APOLD1: variants seen among roughly 807,000 people sequenced by gnomAD.
APOLD1 encodes the protein apolipoprotein L domain containing 1, also known as apolipoprotein L domain-containing protein 1.
APOLD1 carries 22 observed loss-of-function variants against 15.3 expected under a neutral mutation model. The ratio of observed to expected loss-of-function variants is 1.44; its 90% CI spans 1.03 to 2.05. The LOEUF is 2.05. APOLD1 is among the 30% of genes most tolerant of loss of function. The pLI, the probability that APOLD1 is intolerant of heterozygous loss-of-function variation, is 0.00. For missense variants in APOLD1, 394 were observed against 353.5 expected (o/e 1.11, Z -0.92); for synonymous variants, 190 against 167.4 (o/e 1.13, Z -1.04).
At chr12:12,730,048 G>A (rs1316889145) in intron 1 of APOLD1, among the ~76,000 whole-genome samples, 3 of 101,658 alleles carry the variant, frequency 3.0e-5, no homozygotes, top group African/African-American at 4.2e-5. Context: ...GTGTGTGTGT[G>A]TGTGTGTGTG....
intron 1 of APOLD1, among the ~76,000 whole-genome samples, chr12:12,757,131 C>T (rs1462732967): frequency 6.6e-6 from 1 of 152,180 alleles, no homozygotes. Flanking sequence ...AAAACAAGAA[C>T]TATAAAAAAT....
At position 12,789,124 on chromosome 12, in the gene APOLD1, A is replaced by G. The variant is rs998674981; in HGVS notation, c.*1472A>G. The G allele has an allele frequency of 3.3e-5, 5 of 152,114 alleles. No individual in the cohort carries two copies. Among genetic ancestry groups the G allele is most frequent in the African/African-American group, 1.2e-4 (5 of 41,408 alleles). The allele number at this position is 152,114 out of a possible 1,614,324, so 9.4% of individuals were successfully genotyped here. A position where few individuals can be genotyped will look rare whatever the true frequency, so the allele number is the denominator to read the frequency against. On this transcript the variant is annotated 3_prime_UTR_variant, in exon 2 of 2. Transcript: ENST00000356591. ...TTTTAAGTTTGTAATTTAATTTTTA[A>G]TTATTGTTTAGTGTTTGCATTTAAT...
At chr12:12,750,773 C>CT (rs959596856) in intron 1 of APOLD1, among the ~76,000 whole-genome samples, 118 of 150,986 alleles carry the variant, frequency 7.8e-4, no homozygotes, top group African/African-American at 2.8e-3. Flanking sequence ...GTCACTGAAC[C>CT]TTTTTTTTTT....
intron 1 of APOLD1, among the ~76,000 whole-genome samples, chr12:12,741,603 A>G (rs2136373650): frequency 6.6e-6 from 1 of 152,340 alleles, no homozygotes; most frequent in African/African-American, 2.4e-5. Flanking sequence ...GTTTTGAGTT[A>G]TAGCTCCCTG....
intron 1 of APOLD1, among the ~76,000 whole-genome samples, chr12:12,727,576 G>T (rs978286511): frequency 2.7e-5 from 4 of 150,332 alleles, no homozygotes; most frequent in Non-Finnish European, 4.4e-5. Flanking sequence ...GCCTCTGAAA[G>T]CTTTATTATT....
intron 1 of APOLD1, among the ~76,000 whole-genome samples, chr12:12,763,516 G>A (rs570492757): frequency 1.3e-4 from 1 of 7,698 alleles, no homozygotes; most frequent in Admixed American, 2.3e-3. Context: ...ATTGTGTGTG[G>A]GGGGGGGGAA....
chr12:12,785,645 C>T (rs1490228422), upstream of APOLD1: 2 of 1,614,038 alleles, frequency 1.2e-6, no homozygotes, highest in Non-Finnish European at 1.7e-6. Context: ...GCACACTCAT[C>T]CAGAAACAGC....
At chr12:12,776,955 G>T (rs1947040324) in intron 1 of APOLD1, among the ~76,000 whole-genome samples, 2 of 150,968 alleles carry the variant, frequency 1.3e-5, no homozygotes. Context: ...AATAAAAAAT[G>T]ATCAAAATTA....
At chr12:12,727,043 T>C (rs1049509869) in intron 1 of APOLD1, among the ~76,000 whole-genome samples, 2 of 152,228 alleles carry the variant, frequency 1.3e-5, no homozygotes, top group African/African-American at 2.4e-5. Flanking sequence ...CAAATAGTAT[T>C]TGGACTAGTG....
chr12:12,787,036 G>T lies in APOLD1; in HGVS notation c.131G>T (p.Arg44Leu). 7.3e-7 allele frequency: 1 copy of T among 1,373,826 alleles called. No homozygotes were observed. The highest frequency in any genetic ancestry group is 9.3e-7 in the Non-Finnish European group (1 of 1,074,182). The allele number at this position is 1,373,826 out of a possible 1,614,324, so 85.1% of individuals were successfully genotyped here. The change falls in exon 2 of 2, where the codon CGC (arginine) becomes CTC (leucine). Residue 44 changes from arginine to leucine, a missense_variant. Physicochemically the swap from Arg to Leu is moderately radical, Grantham distance 102. Coordinates refer to ENST00000356591, the MANE Select transcript of APOLD1 (RefSeq NM_030817.3). This position sits in a 1 kb window ranked among gnomAD's most constrained non-coding sequence, Gnocchi z 4.9. Reference protein sequence around the residue: ...QVLRLREVARRLERLRRRSLV... With the variant: ...QVLRLREVARLLERLRRRSLV... ...CTGCGCCTGCGCGAGGTGGCCCGGCGCCTGGAGCGCCTGCGCAGGCGCTCC... is the reference window on the plus strand; with the variant it reads ...CTGCGCCTGCGCGAGGTGGCCCGGCTCCTGGAGCGCCTGCGCAGGCGCTCC...
At chr12:12,773,046 TCCAG>T (rs1459590229) in intron 1 of APOLD1, among the ~76,000 whole-genome samples, 1 of 151,962 alleles carries the variant, frequency 6.6e-6, no homozygotes, top group Non-Finnish European at 1.5e-5. Context: ...ACCACTGCAC[TCCAG>T]CCTGAGCATC....
chr12:12,748,666 TA>T (rs934345893), intron 1 of APOLD1, among the ~76,000 whole-genome samples: 3 of 151,268 alleles, frequency 2.0e-5, no homozygotes, highest in African/African-American at 7.3e-5. Flanking sequence ...TTTTTAGGCC[TA>T]AGGAATTCCA....
At chr12:12,762,652 C>T (rs997926148) in intron 1 of APOLD1, among the ~76,000 whole-genome samples, 7 of 151,824 alleles carry the variant, frequency 4.6e-5, no homozygotes, top group African/African-American at 1.7e-4. Context: ...CACGCCCAGC[C>T]TTACCCTGAC....
At chr12:12,776,031 A>AAC (rs1947031380) in intron 1 of APOLD1, among the ~76,000 whole-genome samples, 4 of 149,798 alleles carry the variant, frequency 2.7e-5, no homozygotes, top group Admixed American at 2.0e-4. Context: ...AAAAAACACA[A>AAC]CAAACAAACA....
chr12:12,750,588 AT>A (rs1946805265), intron 1 of APOLD1, among the ~76,000 whole-genome samples: 1 of 33,342 alleles, frequency 3.0e-5, no homozygotes, highest in African/African-American at 5.4e-5. Flanking sequence ...GTTAAAGTAT[AT>A]TTTTTCTCAA....
At chr12:12,761,952 C>A (rs896884922) in intron 1 of APOLD1, among the ~76,000 whole-genome samples, 7 of 151,896 alleles carry the variant, frequency 4.6e-5, no homozygotes, top group African/African-American at 9.7e-5. Context: ...CCTATTGACC[C>A]AGCCTCCCAA....
chr12:12,726,377 C>A, intron 1 of APOLD1: 1 of 505,518 alleles, frequency 2.0e-6, no homozygotes, highest in Non-Finnish European at 3.7e-6. Flanking sequence ...TTTCTGGGTA[C>A]GGAAATTCTT....
upstream of APOLD1, chr12:12,725,918 G>C: frequency 6.0e-6 from 7 of 1,171,322 alleles, no homozygotes; most frequent in Non-Finnish European, 7.0e-6. Flanking sequence ...GCGGTTGACA[G>C]TGTGCAGGCA....
chr12:12,761,862 G>GAGAGAGAGAGAGAGAGAGAGAC (rs1946903390), intron 1 of APOLD1, among the ~76,000 whole-genome samples: 1 of 146,598 alleles, frequency 6.8e-6, no homozygotes, highest in Non-Finnish European at 1.5e-5. Flanking sequence ...GAGAGAGAGA[G>GAGAGAGAGAGAGAGAGAGAGAC]TCTTGCTCTG....
Sources: allele counts gnomAD v4.1 joint callset (sites outside exome capture counted in the v4.1 genomes callset), GRCh38; gene constraint gnomAD v4.1.1; non-coding constraint Gnocchi (gnomAD v3.1); transcripts MANE v1.5; gene names NCBI Gene and HGNC (gene_info 2026-07-23, HGNC 2026-07-21).